Variants in HS6ST3 observed in about 807,000 individuals in gnomAD.
HS6ST3 encodes the protein heparan sulfate 6-O-sulfotransferase 3.
Under a neutral mutation model 36.7 loss-of-function variants are expected in HS6ST3, and 12 were observed. The observed-to-expected ratio is 0.33, with a 90% CI of 0.21 to 0.53. HS6ST3 has a LOEUF of 0.53. Among genes scored for constraint, HS6ST3 ranks in the 20% least tolerant of loss-of-function variants. The pLI is 0.95. For missense variants in HS6ST3, 584 were observed against 640.9 expected (o/e 0.91, Z 0.96); for synonymous variants, 240 against 257.5 (o/e 0.93, Z 0.65).
chr13:96,781,848 A>G (rs1191996828), intron 1 of HS6ST3, among the ~76,000 whole-genome samples: 1 of 152,224 alleles, frequency 6.6e-6, no homozygotes, highest in Non-Finnish European at 1.5e-5. Context: ...GCTATTACAG[A>G]GGAATGACAA....
At chr13:96,372,040 A>G (rs1054217625) in intron 1 of HS6ST3, among the ~76,000 whole-genome samples, 4 of 152,176 alleles carry the variant, frequency 2.6e-5, no homozygotes, top group Admixed American at 6.5e-5. Flanking sequence ...TCTATTTTTA[A>G]TTTCTTGAAG....
chr13:96,313,008 G>A (rs2054949656), intron 1 of HS6ST3, among the ~76,000 whole-genome samples: 1 of 148,920 alleles, frequency 6.7e-6, no homozygotes, highest in Non-Finnish European at 1.5e-5. Flanking sequence ...AGGATTGAAT[G>A]TTTTAGTATT....
chr13:96,373,842 T>C (rs571830222), intron 1 of HS6ST3, among the ~76,000 whole-genome samples: 1 of 152,308 alleles, frequency 6.6e-6, no homozygotes, highest in East Asian at 1.9e-4. Context: ...GATATCGACA[T>C]GAAAAGCACT....
At chr13:96,348,083 G>C (rs1402031632) in intron 1 of HS6ST3, among the ~76,000 whole-genome samples, 1 of 152,230 alleles carries the variant, frequency 6.6e-6, no homozygotes, top group African/African-American at 2.4e-5. Context: ...CAATCAGAGA[G>C]TTCTTACCAA....
At chr13:96,356,907 G>T (rs534824509) in intron 1 of HS6ST3, among the ~76,000 whole-genome samples, 3 of 152,272 alleles carry the variant, frequency 2.0e-5, no homozygotes, top group East Asian at 3.9e-4. Flanking sequence ...TCTAGTGTTT[G>T]TATCCACTTT....
chr13:96,697,388 A>G (rs761118863), intron 1 of HS6ST3, among the ~76,000 whole-genome samples: 1 of 152,068 alleles, frequency 6.6e-6, no homozygotes, highest in Non-Finnish European at 1.5e-5. Flanking sequence ...TATGGCAAGT[A>G]AAAGTTTCAC....
At chr13:96,337,742 A>G (rs1050164417) in intron 1 of HS6ST3, among the ~76,000 whole-genome samples, 1 of 151,666 alleles carries the variant, frequency 6.6e-6, no homozygotes, top group Admixed American at 6.6e-5. Context: ...TTAATTTTAT[A>G]ATTTCTCTCC....
intron 1 of HS6ST3, among the ~76,000 whole-genome samples, chr13:96,439,907 T>C (rs966958962): frequency 2.6e-5 from 4 of 152,182 alleles, no homozygotes; most frequent in African/African-American, 4.8e-5. Context: ...ACTGGTCAAT[T>C]TTCTCTTTTG....
intron 1 of HS6ST3, among the ~76,000 whole-genome samples, chr13:96,507,300 CAG>C (rs2138917191): frequency 6.6e-6 from 1 of 152,236 alleles, no homozygotes; most frequent in Non-Finnish European, 1.5e-5. Context: ...GAGCAGAAAA[CAG>C]AGTGTTTGGC....
intron 1 of HS6ST3, among the ~76,000 whole-genome samples, chr13:96,752,928 C>G (rs1326542929): frequency 6.6e-6 from 1 of 152,034 alleles, no homozygotes; most frequent in Non-Finnish European, 1.5e-5. Flanking sequence ...TTAACACATA[C>G]AGAATTTCTT....
chr13:96,370,377 T>G (rs1486779688), intron 1 of HS6ST3, among the ~76,000 whole-genome samples: 1 of 152,240 alleles, frequency 6.6e-6, no homozygotes, highest in Non-Finnish European at 1.5e-5. Flanking sequence ...TTGCTTATTT[T>G]TCTTTAAAAA....
At chr13:96,801,286 A>G (rs559049832) in intron 1 of HS6ST3, among the ~76,000 whole-genome samples, 1 of 152,234 alleles carries the variant, frequency 6.6e-6, no homozygotes, top group East Asian at 1.9e-4. Flanking sequence ...TTCCAAAAGT[A>G]TCTTCCCTCA....
chr13:96,622,534 T>C (rs929780468), intron 1 of HS6ST3, among the ~76,000 whole-genome samples: 1 of 152,178 alleles, frequency 6.6e-6, no homozygotes, highest in African/African-American at 2.4e-5. Context: ...GTTAAGAATA[T>C]GTGTGGGCTA....
At chr13:96,286,591 G>C (rs893382346) in intron 1 of HS6ST3, among the ~76,000 whole-genome samples, 1 of 152,156 alleles carries the variant, frequency 6.6e-6, no homozygotes, top group African/African-American at 2.4e-5. Context: ...TCTCCACAGA[G>C]TTAACAGTGG....
chr13:96,359,821 GA>G (rs1222162441), intron 1 of HS6ST3, among the ~76,000 whole-genome samples: 1 of 152,196 alleles, frequency 6.6e-6, no homozygotes, highest in Non-Finnish European at 1.5e-5. Flanking sequence ...TATTTTCAAG[GA>G]GAGCAAGTTG....
intron 1 of HS6ST3, among the ~76,000 whole-genome samples, chr13:96,417,050 G>A (rs1298789029): frequency 2.0e-5 from 3 of 152,088 alleles, no homozygotes; most frequent in Non-Finnish European, 2.9e-5. Flanking sequence ...GCGCCCGGCC[G>A]GCATGGGGTA....
At chr13:96,466,809 A>G (rs12584926) in intron 1 of HS6ST3, among the ~76,000 whole-genome samples, 22,342 of 152,204 alleles carry the variant, frequency 0.15, 1,730 homozygotes, top group Middle Eastern at 0.22. Flanking sequence ...TAAAAAAATG[A>G]CAGCCATCAT....
At chr13:96,731,556 G>A (rs1048461481) in intron 1 of HS6ST3, among the ~76,000 whole-genome samples, 1 of 152,008 alleles carries the variant, frequency 6.6e-6, no homozygotes, top group African/African-American at 2.4e-5. Flanking sequence ...TAAACATAGG[G>A]GTCCAGATGT....
intron 1 of HS6ST3, among the ~76,000 whole-genome samples, chr13:96,711,137 T>C (rs971152807): frequency 3.9e-5 from 6 of 152,168 alleles, no homozygotes; most frequent in African/African-American, 7.2e-5. Context: ...TCCTCCGCTC[T>C]TGCATCTTTC....
Sources: gnomAD v4.1 joint callset for allele counts (sites outside exome capture counted in the v4.1 genomes callset) on GRCh38, gnomAD v4.1.1 for gene constraint, MANE v1.5 for transcripts, NCBI Gene and HGNC (gene_info 2026-07-23, HGNC 2026-07-21) for gene names.